Variants in CELF2 observed in about 807,000 individuals in gnomAD.
CELF2 encodes CUGBP Elav-like family member 2.
In CELF2, 8 loss-of-function variants were observed where a neutral mutation model predicts 62.6. The ratio of observed to expected loss-of-function variants is 0.13; its 90% CI spans 0.07 to 0.23. The LOEUF (loss-of-function observed/expected upper bound fraction) is 0.23, where lower values mean the gene tolerates loss of function less well. Among genes scored for constraint, CELF2 ranks in the 10% least tolerant of loss-of-function variants. CELF2 has a pLI of 1.00. For synonymous variants in CELF2, 258 were observed against 250.0 expected, an observed-to-expected ratio of 1.03 and a Z score of -0.30; for missense variants, 333 against 671.0, an observed-to-expected ratio of 0.50 and a Z score of 5.56.
the CELF2 span, among the ~76,000 whole-genome samples, chr10:10,569,879 AGAAC>A: frequency 6.6e-6 from 1 of 152,200 alleles, no homozygotes; most frequent in African/African-American, 2.4e-5. Context: ...CTGCTTCAGG[AGAAC>A]TATGACCTTG....
chr10:11,149,174 G>A (rs1164807331), intron 1 of CELF2, among the ~76,000 whole-genome samples: 1 of 152,128 alleles, frequency 6.6e-6, no homozygotes, highest in South Asian at 2.1e-4. Context: ...GTGTTCAAGC[G>A]ATTCTCATGC....
intron 4 of CELF2, among the ~76,000 whole-genome samples, chr10:11,252,887 A>G (rs2077561128): frequency 6.6e-6 from 1 of 152,176 alleles, no homozygotes; most frequent in Admixed American, 6.5e-5. Flanking sequence ...TTTCCATTGC[A>G]GAAAGACAAA....
Position 11,233,699 on chromosome 10 carries a change from T to G in CELF2, c.355-15454T>G, listed in dbSNP as rs141474208. ...CCTCATCTCCTCTTCCTACATACACTTCACCTTTCTAACCCCCAACCTCCA... is the reference window on the plus strand; with the variant it reads ...CCTCATCTCCTCTTCCTACATACACGTCACCTTTCTAACCCCCAACCTCCA... On this transcript the variant is annotated intron_variant, in intron 3 of 12. Coordinates refer to ENST00000633077, the MANE Select transcript of CELF2 (RefSeq NM_001326342.2). 6.5e-4 allele frequency among the ~76,000 whole-genome samples: 99 copies of G among 152,286 alleles called. 1 individual carries two copies. In the East Asian group the frequency reaches 0.018, roughly 28 times the overall value.
At chr10:10,558,836 G>A in the CELF2 span, among the ~76,000 whole-genome samples, 1 of 152,138 alleles carries the variant, frequency 6.6e-6, no homozygotes, top group Non-Finnish European at 1.5e-5. Flanking sequence ...GGGGTTTATA[G>A]TATTCTCTGA....
intron 1 of CELF2, among the ~76,000 whole-genome samples, chr10:11,088,737 G>C (rs1242379274): frequency 1.3e-5 from 2 of 152,182 alleles, no homozygotes; most frequent in African/African-American, 4.8e-5. Flanking sequence ...TGGACTGCGT[G>C]GGTCAGGAGT....
chr10:11,181,150 G>T (rs2073241728), intron 2 of CELF2, among the ~76,000 whole-genome samples: 1 of 152,190 alleles, frequency 6.6e-6, no homozygotes, highest in Non-Finnish European at 1.5e-5. Flanking sequence ...GATTACAGGG[G>T]TAAGCCAACA....
chr10:10,915,838 A>T (rs1027272538), intron 1 of CELF2, among the ~76,000 whole-genome samples: 2 of 152,224 alleles, frequency 1.3e-5, no homozygotes, highest in Non-Finnish European at 2.9e-5. Context: ...AAGGATCAGG[A>T]TCTAAATTCA....
At chr10:10,812,092 T>C (rs2055956155) in intron 1 of CELF2, among the ~76,000 whole-genome samples, 1 of 152,224 alleles carries the variant, frequency 6.6e-6, no homozygotes, top group Non-Finnish European at 1.5e-5. Context: ...TTAGTCCATT[T>C]TCATGTTGCT....
the CELF2 span, among the ~76,000 whole-genome samples, chr10:10,482,865 G>A: frequency 6.6e-6 from 1 of 152,122 alleles, no homozygotes; most frequent in Non-Finnish European, 1.5e-5. Context: ...GATGACAAAG[G>A]ACGCCTCCCC....
chr10:11,096,019 C>G (rs2049774360), intron 1 of CELF2, among the ~76,000 whole-genome samples: 1 of 152,200 alleles, frequency 6.6e-6, no homozygotes, highest in Non-Finnish European at 1.5e-5. Context: ...TAGGTATTAA[C>G]AGCTCCTTCT....
chr10:11,002,851 T>A (rs190566075), upstream of CELF2, among the ~76,000 whole-genome samples: 5 of 152,134 alleles, frequency 3.3e-5, no homozygotes, highest in African/African-American at 1.2e-4. This position sits in a 1 kb window ranked among gnomAD's most constrained non-coding sequence, Gnocchi z 4.4. Flanking sequence ...GCATTTAAAA[T>A]TTTTTTGAAA....
the CELF2 span, among the ~76,000 whole-genome samples, chr10:10,713,341 C>T: frequency 1.3e-5 from 2 of 152,304 alleles, no homozygotes; most frequent in South Asian, 2.1e-4. Context: ...AGTGACTCTA[C>T]GGTGTTCATT....
At chr10:11,238,888 A>G (rs1429701895) in intron 3 of CELF2, among the ~76,000 whole-genome samples, 2 of 152,348 alleles carry the variant, frequency 1.3e-5, no homozygotes, top group African/African-American at 2.4e-5. Flanking sequence ...TTAACATTAA[A>G]TAAAGCAAAA....
intron 2 of CELF2, among the ~76,000 whole-genome samples, chr10:11,186,204 T>A (rs899376036): frequency 1.3e-5 from 2 of 152,124 alleles, no homozygotes; most frequent in African/African-American, 4.8e-5. Context: ...ATACTCCTGG[T>A]ACTGTTAATT....
chr10:11,089,030 A>G (rs1055925890), intron 1 of CELF2, among the ~76,000 whole-genome samples: 1 of 152,188 alleles, frequency 6.6e-6, no homozygotes, highest in African/African-American at 2.4e-5. Flanking sequence ...GGAGCCTTCT[A>G]GTAGAACCAG....
In CELF2 at chr10:10,978,418, T is replaced by G. The variant is rs543678843; in HGVS notation, c.89+58419T>G. ...CTAGCTCAAGAGTTTTCATTTACATTTATGCTTTTATTGACGTCTTTGATT... is the reference window on the plus strand; with the variant it reads ...CTAGCTCAAGAGTTTTCATTTACATGTATGCTTTTATTGACGTCTTTGATT... On this transcript the variant is annotated intron_variant, in intron 2 of 13. Coordinates refer to the CELF2 transcript ENST00000636488. Among the ~76,000 whole-genome samples, 37 of 152,300 alleles carry G rather than the reference T, an allele frequency of 2.4e-4. No homozygotes were observed. The South Asian group carries it at 7.7e-3, about 32-fold the overall frequency.
At chr10:11,171,198 C>T (rs2068756778) in intron 2 of CELF2, 1 of 152,214 alleles carries the variant, frequency 6.6e-6, no homozygotes, top group South Asian at 2.1e-4. Context: ...AACAGTACTG[C>T]AAGCCAGAGC....
chr10:10,713,171 C>G, the CELF2 span, among the ~76,000 whole-genome samples: 1 of 152,350 alleles, frequency 6.6e-6, no homozygotes, highest in East Asian at 1.9e-4. Context: ...GGTCTTTCCT[C>G]AAAAGGCCTT....
the CELF2 span, among the ~76,000 whole-genome samples, chr10:10,464,066 G>A: frequency 6.6e-6 from 1 of 151,812 alleles, no homozygotes; most frequent in Non-Finnish European, 1.5e-5. Context: ...GGTCTCTATA[G>A]CTATTCTATC....
Sources: gnomAD v4.1 joint callset for allele counts (sites outside exome capture counted in the v4.1 genomes callset) on GRCh38, gnomAD v4.1.1 for gene constraint, Gnocchi (gnomAD v3.1) non-coding constraint, MANE v1.5 for transcripts, NCBI Gene and HGNC (gene_info 2026-07-23, HGNC 2026-07-21) for gene names.